Variants in TRAF7 observed in about 807,000 individuals in gnomAD.
TRAF7 encodes the protein E3 ubiquitin-protein ligase TRAF7.
In TRAF7, 45 loss-of-function variants were observed where a neutral mutation model predicts 89.3. The observed-to-expected ratio is 0.50, with a 90% CI of 0.40 to 0.65. TRAF7 has a LOEUF of 0.65. Ranked by LOEUF, TRAF7 falls within the 30% of genes least tolerant of loss-of-function variation. TRAF7 has a pLI of 0.00. For synonymous variants in TRAF7, 406 were observed against 369.2 expected, an observed-to-expected ratio of 1.10 and a Z score of -1.14; for missense variants, 677 against 918.1, an observed-to-expected ratio of 0.74 and a Z score of 3.39.
chr16:2,166,023 C>A (rs77347363), intron 3 of TRAF7, 87 bp downstream of exon 3: 2 of 1,539,024 alleles, frequency 1.3e-6, no homozygotes, highest in African/African-American at 1.4e-5. Context: ...GGACACTTCC[C>A]GGTGAGCTGG....
Position 2,163,965 on chromosome 16 carries a change from G to A in TRAF7, c.45G>A (p.Gly15=), listed in dbSNP as rs763890292. 3.4e-5 allele frequency: 55 copies of A among 1,612,566 alleles called. 1 individual carries two copies. The highest frequency in any genetic ancestry group is 4.7e-5 in the Non-Finnish European group (55 of 1,179,722). ...CCCGCTACAACCGCTTCTCCGGGGGGCCCAGCAATCTTCCCACCCCAGACG... is the reference window on the plus strand; with the variant it reads ...CCCGCTACAACCGCTTCTCCGGGGGACCCAGCAATCTTCCCACCCCAGACG... ...KSARYNRFSG[G]PSNLPTPDVT... is the part of the protein sequence containing the mutation. Residue 15 remains glycine (G), a synonymous_variant, in exon 2 of 21, where the codon GGG becomes GGA. Coordinates refer to ENST00000326181, the MANE Select transcript of TRAF7 (RefSeq NM_032271.3). The surrounding 1 kb of genome is among the most constrained non-coding windows in gnomAD (Gnocchi z 4.3).
At chr16:2,172,159 GC>G in intron 7 of TRAF7, 31 bp from the exon 8 acceptor site, 1 of 1,611,868 alleles carries the variant, frequency 6.2e-7, no homozygotes, top group South Asian at 1.1e-5. Context: ...TGCCAGGCAG[GC>G]CGTGAGGGTC....
chr16:2,177,152 T>C lies in TRAF7; in HGVS notation c.*578T>C, dbSNP rs577979185. 8.0e-6 allele frequency: 2 copies of C among 249,422 alleles called. No individual in the cohort carries two copies. The highest frequency in any genetic ancestry group is 1.2e-4 in the South Asian group (1 of 8,110). 15.5% of individuals were successfully genotyped at this position (249,422 alleles called of 1,614,324 possible). On this transcript the variant is annotated 3_prime_UTR_variant, in exon 21 of 21. Coordinates refer to ENST00000326181, the MANE Select transcript of TRAF7 (RefSeq NM_032271.3). The stretch of plus-strand genomic sequence containing the variant: ...CTCCAGTCCCATCTCCCCCAACACA[T>C]GTGCCCCCAAAAAGTGAGCCAGGCA...
rs749890921 is a variant in TRAF7, at chr16:2,163,985, C to T, written c.65C>T (p.Pro22Leu). The change falls in exon 2 of 21, where the codon CCA becomes CTA. Residue 22 changes from proline (P) to leucine (L), a missense_variant. Coordinates refer to ENST00000326181, the MANE Select transcript of TRAF7 (RefSeq NM_032271.3). The surrounding 1 kb of genome is among the most constrained non-coding windows in gnomAD (Gnocchi z 4.3). ...FSGGPSNLPT[P>L]DVTTGTRMET... ...GGGGGGCCCAGCAATCTTCCCACCC[C>T]AGACGTCACCACAGGGGTAAGGGTG... 7 of 1,609,556 alleles carry T rather than the reference C, an allele frequency of 4.3e-6. No homozygotes were observed. The highest frequency in any genetic ancestry group is 2.2e-5 in the East Asian group (1 of 44,842).
At position 2,163,714 on chromosome 16, in the gene TRAF7, G is replaced by A. The variant is rs2093066571; in HGVS notation, c.-38-169G>A. The A allele has an allele frequency of 1.7e-6, 1 of 604,620 alleles. No homozygotes were observed. Among genetic ancestry groups the A allele is most frequent in the Non-Finnish European group, 3.0e-6 (1 of 338,120 alleles). The allele number at this position is 604,620 out of a possible 1,614,324, so 37.5% of individuals were successfully genotyped here. A position where few individuals can be genotyped will look rare whatever the true frequency, so the allele number is the denominator to read the frequency against. ...GCCTCTGCATACCTGGGATCGGGGT[G>A]AAGGACCTTTGCCTCCTAGAGGCCT... On this transcript the variant is annotated intron_variant, in intron 1 of 20. Transcript: ENST00000326181. This position sits in a 1 kb window ranked among gnomAD's most constrained non-coding sequence, Gnocchi z 4.3.
chr16:2,168,053 G>A lies in TRAF7; in HGVS notation c.140-24G>A. 2.5e-6 allele frequency: 4 copies of A among 1,607,470 alleles called. No individual in the cohort carries two copies. The highest frequency in any genetic ancestry group is 3.4e-6 in the Non-Finnish European group (4 of 1,178,832). The stretch of plus-strand genomic sequence containing the variant: ...CATCTGCTGAGGGAGCCCCCACTGA[G>A]ACGCCAGCCCTCTTGCCTTGCAGCT... On this transcript the variant is annotated intron_variant, in intron 3 of 20. Coordinates refer to ENST00000326181, the MANE Select transcript of TRAF7 (RefSeq NM_032271.3). The surrounding 1 kb of genome is among the most constrained non-coding windows in gnomAD (Gnocchi z 4.1).
At position 2,173,239 on chromosome 16, in the gene TRAF7, C is replaced by G. The variant is rs570085095; in HGVS notation, c.852C>G (p.Phe284Leu). ...TYETHLETCRFEGLKEFLQQT... is the reference protein window; with the variant it reads ...TYETHLETCRLEGLKEFLQQT... ...AGACCCACCTGGAGACTTGCCGCTT[C>G]GAGGGCCTGAAGGAGTTTCTGCAGC... Residue 284 changes from phenylalanine (F) to leucine (L), a missense_variant, in exon 10 of 21, where the codon TTC becomes TTG. Transcript: ENST00000326181. 6 of 1,612,958 alleles carry G rather than the reference C, an allele frequency of 3.7e-6. No individual in the cohort carries two copies. The East Asian group carries it at 1.3e-4, about 36-fold the overall frequency.
At chr16:2,173,889 T>A (rs751907119) in intron 12 of TRAF7, 32 bp from the exon 13 acceptor site, 1 of 654,186 alleles carries the variant, frequency 1.5e-6, no homozygotes, top group Non-Finnish European at 2.2e-6. Context: ...GGGCCCCAAC[T>A]GGGCCTTCAC....
Position 2,165,955 on chromosome 16 carries a change from G to A in TRAF7, c.139+19G>A, listed in dbSNP as rs370767162. Reference sequence around the variant, plus strand: ...ACAAAAGGTGAGCCCTTAAGCCAAGGCCAGCCCAGGCTGGGAATAACCGGG... The same window carrying A: ...ACAAAAGGTGAGCCCTTAAGCCAAGACCAGCCCAGGCTGGGAATAACCGGG... On this transcript the variant is annotated intron_variant, in intron 3 of 20. Transcript: ENST00000326181. The A allele has an allele frequency of 6.2e-7, 1 of 1,613,984 alleles. No homozygotes were observed. Among genetic ancestry groups the A allele is most frequent in the South Asian group, 1.1e-5 (1 of 91,080 alleles).
chr16:2,163,853 T>C lies in TRAF7; in HGVS notation c.-38-30T>C. 1 of 1,428,882 alleles carries C rather than the reference T, an allele frequency of 7.0e-7. No homozygotes were observed. The highest frequency in any genetic ancestry group is 9.7e-7 in the Non-Finnish European group (1 of 1,026,738). The allele number at this position is 1,428,882 out of a possible 1,614,324, so 88.5% of individuals were successfully genotyped here. On this transcript the variant is annotated intron_variant, in intron 1 of 20. Transcript: ENST00000326181. The surrounding 1 kb of genome is among the most constrained non-coding windows in gnomAD (Gnocchi z 4.3). ...CTCACAGGGGCCTGGGCTCCATCTCTCAAGCCCCTCATTTGTGCTCCACCC... is the reference window on the plus strand; with the variant it reads ...CTCACAGGGGCCTGGGCTCCATCTCCCAAGCCCCTCATTTGTGCTCCACCC...
intron 12 of TRAF7, 21 bp downstream of exon 12, chr16:2,173,857 G>GCGGGGGGGCGCCCCCC: frequency 1.2e-6 from 2 of 1,607,488 alleles, no homozygotes; most frequent in East Asian, 2.2e-5. Flanking sequence ...ACCCGCCGTG[G>GCGGGGGGGCGCCCCCC]CTCCCGCCCA....
chr16:2,172,635 G>GGGGGGGGGGGGGGGGGGGGGGC, intron 9 of TRAF7, 36 bp downstream of exon 9: 3 of 1,273,314 alleles, frequency 2.4e-6, no homozygotes, highest in Non-Finnish European at 3.3e-6. Context: ...GCCGGGGTGG[G>GGGGGGGGGGGGGGGGGGGGGGC]CGCAGGCCCT....
At position 2,168,272 on chromosome 16, in the gene TRAF7, A is replaced by C; in HGVS notation, c.231+104A>C. The C allele has an allele frequency of 1.0e-6, 1 of 958,802 alleles. No individual in the cohort carries two copies. Among genetic ancestry groups the C allele is most frequent in the Non-Finnish European group, 1.6e-6 (1 of 644,872 alleles). The allele number at this position is 958,802 out of a possible 1,614,324, so 59.4% of individuals were successfully genotyped here. The stretch of plus-strand genomic sequence containing the variant: ...GGAGTTGACAGTGAGCTGGTGAGGC[A>C]CAGGAGAAGAAGAGCACCTGTGGAT... On this transcript the variant is annotated intron_variant, in intron 4 of 20. Transcript: ENST00000326181. This position sits in a 1 kb window ranked among gnomAD's most constrained non-coding sequence, Gnocchi z 4.1.
intron 14 of TRAF7, 65 bp downstream of exon 14, chr16:2,174,398 G>A: frequency 6.5e-7 from 1 of 1,530,712 alleles, no homozygotes; most frequent in Non-Finnish European, 8.9e-7. Flanking sequence ...GCCACCCCGT[G>A]GGCCGTGAGC....
At position 2,173,313 on chromosome 16, in the gene TRAF7, A is replaced by C; in HGVS notation, c.926A>C (p.Asp309Ala). ...HEMHVALAQK[D>A]QEIAFLRSML... ...ATGCACGTGGCTCTGGCCCAGAAGG[A>C]CCAGGAGATCGCCTTCCTGCGCTCC... is the stretch of plus-strand genomic sequence containing the variant. Residue 309 changes from aspartate (D) to alanine (A), a missense_variant, in exon 10 of 21, where the codon GAC becomes GCC. Asp to Ala is a moderately radical substitution (Grantham distance 126, BLOSUM62 -2). Around this residue, in one of 6 missense-constraint regions of TRAF7, gnomAD observed 238 missense variants for 352.6 expected, o/e 0.67. Transcript: ENST00000326181. The C allele has an allele frequency of 6.2e-7, 1 of 1,613,596 alleles. No homozygotes were observed. Among genetic ancestry groups the C allele is most frequent in the African/African-American group, 1.3e-5 (1 of 75,024 alleles).
chr16:2,172,154 G>C (rs78630004), intron 7 of TRAF7, 37 bp from the exon 8 acceptor site: 24,263 of 1,611,282 alleles, frequency 0.015, 281 homozygotes, highest in Non-Finnish European at 0.019. Flanking sequence ...GCGTGTGCCA[G>C]GCAGGCCGTG....
chr16:2,169,620 G>A (rs1395908767), intron 4 of TRAF7, among the ~76,000 whole-genome samples: 1 of 152,182 alleles, frequency 6.6e-6, no homozygotes, highest in African/African-American at 2.4e-5. Context: ...GTATTGGGCA[G>A]GCCCGGGAGA....
At position 2,168,149 on chromosome 16, in the gene TRAF7, G is replaced by A. The variant is rs1269010308; in HGVS notation, c.212G>A (p.Arg71Gln). Residue 71 changes from arginine (R) to glutamine (Q), a missense_variant, in exon 4 of 21, where the codon CGG becomes CAG. This residue lies in a region of TRAF7 where 240 missense variants were observed against 191.9 expected (regional missense o/e 1.25). Coordinates refer to ENST00000326181, the MANE Select transcript of TRAF7 (RefSeq NM_032271.3). This position sits in a 1 kb window ranked among gnomAD's most constrained non-coding sequence, Gnocchi z 4.1. ...SSSSTLAYSP[R>Q]DEEDSMPPIS... The stretch of plus-strand genomic sequence containing the variant: ...TCCAGCACCCTTGCCTACTCCCCGC[G>A]GGACGAGGAGGACAGCATGGTAGGT... 5.0e-6 allele frequency: 8 copies of A among 1,611,372 alleles called. No homozygotes were observed. The highest frequency in any genetic ancestry group is 4.0e-5 in the African/African-American group (3 of 74,854).
At position 2,158,981 on chromosome 16, in the gene TRAF7, C is replaced by G. The variant is rs771546368; in HGVS notation, c.-39+3123C>G. On this transcript the variant is annotated intron_variant, in intron 1 of 20. Coordinates refer to ENST00000326181, the MANE Select transcript of TRAF7 (RefSeq NM_032271.3). This position sits in a 1 kb window ranked among gnomAD's most constrained non-coding sequence, Gnocchi z 4.7. ...CCAGGAAGCCCTCTGGACTTCCCCT[C>G]GACTGGGCCAGGTCCCCACACAATA... Among the ~76,000 whole-genome samples, 3 of 152,138 alleles carry G rather than the reference C, an allele frequency of 2.0e-5. No homozygotes were observed. Among genetic ancestry groups the G allele is most frequent in the Non-Finnish European group, 4.4e-5 (3 of 68,010 alleles).
Sources: allele counts gnomAD v4.1 joint callset (sites outside exome capture counted in the v4.1 genomes callset), GRCh38; gene constraint gnomAD v4.1.1; regional missense constraint gnomAD v4.1.1; non-coding constraint Gnocchi (gnomAD v3.1); transcripts MANE v1.5; gene names NCBI Gene and HGNC (gene_info 2026-07-23, HGNC 2026-07-21).